GNA15: variants seen among roughly 807,000 people sequenced by gnomAD.
GNA15 encodes the protein guanine nucleotide-binding protein subunit alpha-15.
A neutral mutation model predicts 40.1 loss-of-function variants in GNA15; 23 were observed. That is an observed-to-expected ratio of 0.57 (90% CI 0.41 to 0.81). The LOEUF (loss-of-function observed/expected upper bound fraction) is 0.81, where lower values mean the gene tolerates loss of function less well. Among genes scored for constraint, GNA15 ranks in the 40% least tolerant of loss-of-function variants. The pLI, the probability that GNA15 is intolerant of heterozygous loss-of-function variation, is 0.00. For missense variants in GNA15, 522 were observed against 515.8 expected (o/e 1.01, Z -0.12); for synonymous variants, 226 against 210.4 (o/e 1.07, Z -0.64).
At chr19:3,153,918 T>A (rs1424164685) in intron 4 of GNA15, among the ~76,000 whole-genome samples, 1 of 150,428 alleles carries the variant, frequency 6.6e-6, no homozygotes, top group South Asian at 2.1e-4. Context: ...GATGGGTAGA[T>A]GGGTGGACGA....
At chr19:3,159,363 T>A (rs1427250936) in intron 6 of GNA15, among the ~76,000 whole-genome samples, 1 of 110,992 alleles carries the variant, frequency 9.0e-6, no homozygotes, top group African/African-American at 3.2e-5. Flanking sequence ...TTTTTTTTTT[T>A]GAGATGGAGT....
intron 1 of GNA15, among the ~76,000 whole-genome samples, chr19:3,144,718 C>T (rs145666951): frequency 0.045 from 6,765 of 150,742 alleles, 214 homozygotes; most frequent in African/African-American, 0.096. Flanking sequence ...TTAGTAGAGA[C>T]GGGGTTTCAC....
chr19:3,145,360 T>TA (rs1555705683), intron 1 of GNA15, among the ~76,000 whole-genome samples: 854 of 21,444 alleles, frequency 0.04, 9 homozygotes, highest in Middle Eastern at 0.1. Context: ...TATATATATA[T>TA]TTTTTTTTTT....
At chr19:3,149,004 TATGCACACGCACAGAC>T in intron 2 of GNA15, 1 of 547,782 alleles carries the variant, frequency 1.8e-6, no homozygotes, top group Middle Eastern at 4.8e-4. Context: ...CACGCACATG[TATGCACACGCACAGAC>T]ATGCACACAA....
rs761059634 is a variant in GNA15 at position 3,150,171 on chromosome 19, T to C, written c.371T>C (p.Val124Ala). ...GTCATGAGCCAGGACCCCTATAAAG[T>C]GACCACGTTTGAGAAGCGCTACGCT... The part of the protein sequence containing the change: ...SLVMSQDPYK[V>A]TTFEKRYAAA... The change falls in exon 3 of 7, where the codon GTG (valine) becomes GCG (alanine). Residue 124 changes from valine (V) to alanine (A), a missense_variant. Transcript: ENST00000262958. 6.2e-7 allele frequency: 1 copy of C among 1,613,272 alleles called. No homozygotes were observed. The highest frequency in any genetic ancestry group is 1.3e-5 in the African/African-American group (1 of 74,904).
In GNA15 at chr19:3,163,203, G is replaced by C. The variant is rs1486722181; in HGVS notation, c.*184G>C. Reference sequence around the variant, plus strand: ...TCTCACCAGGACAGCCGCCCCCCAGGGTACTCCTGCCCTTGCTTGACTCAG... The same window carrying C: ...TCTCACCAGGACAGCCGCCCCCCAGCGTACTCCTGCCCTTGCTTGACTCAG... On this transcript the variant is annotated 3_prime_UTR_variant, in exon 7 of 7. Coordinates refer to ENST00000262958, the MANE Select transcript of GNA15 (RefSeq NM_002068.4). The C allele has an allele frequency of 8.4e-6, 5 of 596,968 alleles. No homozygotes were observed. Among genetic ancestry groups the C allele is most frequent in the African/African-American group, 7.4e-5 (4 of 53,832 alleles). The allele number at this position is 596,968 out of a possible 1,614,324, so 37.0% of individuals were successfully genotyped here.
intron 2 of GNA15, 141 bp downstream of exon 2, chr19:3,148,916 C>A: frequency 1.3e-6 from 1 of 778,274 alleles, no homozygotes; most frequent in South Asian, 1.8e-5. Context: ...GTCCCCAGAC[C>A]CTGGGGCAAG....
chr19:3,150,354 T>G (rs927231529), intron 3 of GNA15, 69 bp downstream of exon 3: 2 of 1,343,824 alleles, frequency 1.5e-6, no homozygotes, highest in African/African-American at 1.5e-5. Context: ...GCTGGCTGGC[T>G]TCCTGCAGCA....
Position 3,151,568 on chromosome 19 carries a change from A to G in GNA15, c.486-139A>G. ...CTCAGGTGGGGGACGCTCCTGGGCCATCTGCCAACTCCAGGGACCCCACCT... is the reference window on the plus strand; with the variant it reads ...CTCAGGTGGGGGACGCTCCTGGGCCGTCTGCCAACTCCAGGGACCCCACCT... On this transcript the variant is annotated intron_variant, in intron 3 of 6. Coordinates refer to ENST00000262958, the MANE Select transcript of GNA15 (RefSeq NM_002068.4). The surrounding 1 kb of genome is among the most constrained non-coding windows in gnomAD (Gnocchi z 5.0). 1.0e-6 allele frequency: 1 copy of G among 963,018 alleles called. No homozygotes were observed. The highest frequency in any genetic ancestry group is 1.9e-5 in the South Asian group (1 of 51,510). The allele number at this position is 963,018 out of a possible 1,614,324, so 59.7% of individuals were successfully genotyped here. A position where few individuals can be genotyped will look rare whatever the true frequency, so the allele number is the denominator to read the frequency against.
chr19:3,161,388 C>T (rs1207359673), intron 6 of GNA15, among the ~76,000 whole-genome samples: 2 of 152,172 alleles, frequency 1.3e-5, no homozygotes, highest in East Asian at 1.9e-4. Flanking sequence ...GTAGATGAGT[C>T]CTTAGTACAT....
intron 5 of GNA15, among the ~76,000 whole-genome samples, chr19:3,157,011 T>A (rs554984911): frequency 6.6e-6 from 1 of 151,920 alleles, no homozygotes; most frequent in Non-Finnish European, 1.5e-5. Flanking sequence ...GTACTTTTTT[T>A]TTTGAGATGG....
chr19:3,146,985 GC>G (rs1914737924), intron 1 of GNA15, among the ~76,000 whole-genome samples: 1 of 151,504 alleles, frequency 6.6e-6, no homozygotes, highest in African/African-American at 2.4e-5. Context: ...GTGCGGCCCT[GC>G]CCCAGGGCCT....
In GNA15 at chr19:3,148,652, C is replaced by T. The variant is rs145476417; in HGVS notation, c.207C>T (p.Gly69=). ...IKQMRIIHGA[G]YSEEERKGFR... is the part of the protein sequence containing the mutation. The stretch of plus-strand genomic sequence containing the variant: ...AGATGCGGATCATCCACGGCGCCGG[C>T]TACTCGGAGGAGGAGCGCAAGGGCT... The change falls in exon 2 of 7, where the codon GGC becomes GGT. Residue 69 remains glycine, a synonymous_variant. Transcript: ENST00000262958. 4.0e-4 allele frequency: 637 copies of T among 1,590,200 alleles called. No homozygotes were observed. The highest frequency in any genetic ancestry group is 4.8e-4 in the Non-Finnish European group (563 of 1,168,320).
chr19:3,162,804 G>T lies in GNA15; in HGVS notation c.910G>T (p.Asp304Tyr), dbSNP rs1915169386. The T allele has an allele frequency of 6.2e-7, 1 of 1,612,622 alleles. No homozygotes were observed. The highest frequency in any genetic ancestry group is 1.1e-5 in the South Asian group (1 of 91,044). ...CACTGTTTCCCCAGGCCCTAAGCAG[G>T]ATGCTGAGGCAGCCAAGAGGTTCAT... is the stretch of plus-strand genomic sequence containing the variant. The part of the protein sequence containing the change: ...YFPSFQGPKQ[D>Y]AEAAKRFILD... Residue 304 changes from aspartate to tyrosine, a missense_variant, in exon 7 of 7, where the codon GAT becomes TAT. Transcript: ENST00000262958.
In GNA15 at chr19:3,157,841, C is replaced by T. The variant is rs748435713; in HGVS notation, c.858C>T (p.Ile286=). The change falls in exon 6 of 7, where the codon ATC becomes ATT. Residue 286 remains isoleucine (I), a synonymous_variant. Coordinates refer to ENST00000262958, the MANE Select transcript of GNA15 (RefSeq NM_002068.4). ...LNKTDILEEK[I]PTSHLATYFP... ...AAACCGACATCCTGGAGGAGAAAATCCCCACCTCCCACCTGGCTACCTATT... is the reference window on the plus strand; with the variant it reads ...AAACCGACATCCTGGAGGAGAAAATTCCCACCTCCCACCTGGCTACCTATT... 1 of 1,613,188 alleles carries T rather than the reference C, an allele frequency of 6.2e-7. No homozygotes were observed. The highest frequency in any genetic ancestry group is 8.5e-7 in the Non-Finnish European group (1 of 1,179,098).
rs117408278 is a variant in GNA15 at position 3,161,200 on chromosome 19, T to A, written c.899-1593T>A. 3.9e-3 allele frequency among the ~76,000 whole-genome samples: 590 copies of A among 152,288 alleles called. 14 individuals carry two copies. In the East Asian group the frequency reaches 0.074, roughly 19 times the overall value. ...CCCAACCACACATCTGTCATCCACC[T>A]GCCTTGGCCTTCCAAAGTGCTAGGA... On this transcript the variant is annotated intron_variant, in intron 6 of 6. Coordinates refer to ENST00000262958, the MANE Select transcript of GNA15 (RefSeq NM_002068.4).
At chr19:3,152,769 T>C (rs948188318) in intron 4 of GNA15, among the ~76,000 whole-genome samples, 1 of 152,168 alleles carries the variant, frequency 6.6e-6, no homozygotes, top group African/African-American at 2.4e-5. Context: ...GTGTTTGACC[T>C]ACCCCTATTT....
intron 4 of GNA15, among the ~76,000 whole-genome samples, chr19:3,153,729 T>C (rs1234677771): frequency 9.8e-6 from 1 of 102,060 alleles, no homozygotes; most frequent in Admixed American, 9.6e-5. Flanking sequence ...GATGAATGGG[T>C]GGGTGAATGC....
intron 5 of GNA15, among the ~76,000 whole-genome samples, chr19:3,156,204 T>TGCACACACGC (rs58356731): frequency 1.9e-5 from 1 of 54,010 alleles, no homozygotes; most frequent in Non-Finnish European, 5.1e-5. Context: ...ACACACACAC[T>TGCACACACGC]ACAGTGCACA....
Sources: gnomAD v4.1 joint callset for allele counts (sites outside exome capture counted in the v4.1 genomes callset) on GRCh38, gnomAD v4.1.1 for gene constraint, Gnocchi (gnomAD v3.1) non-coding constraint, MANE v1.5 for transcripts, NCBI Gene and HGNC (gene_info 2026-07-23, HGNC 2026-07-21) for gene names.